APOBEC3F: variants seen among roughly 807,000 people sequenced by gnomAD.
The protein encoded by APOBEC3F is apolipoprotein B mRNA editing enzyme catalytic subunit 3F.
APOBEC3F carries 34 observed loss-of-function variants against 45.8 expected under a neutral mutation model. The ratio of observed to expected loss-of-function variants is 0.74; its 90% confidence interval spans 0.57 to 0.99. The LOEUF (loss-of-function observed/expected upper bound fraction) is 0.99, where lower values mean the gene tolerates loss of function less well. Ranked by LOEUF, APOBEC3F falls within the 50% of genes least tolerant of loss-of-function variation. The pLI is 0.00. For missense variants in APOBEC3F, 459 were observed against 474.1 expected (o/e 0.97, Z 0.30); for synonymous variants, 192 against 174.4 (o/e 1.10, Z -0.80).
Position 39,044,817 on chromosome 22 carries a change from G to A in APOBEC3F, c.172-124G>A, listed in dbSNP as rs1927118883. 4 of 899,980 alleles carry A rather than the reference G, an allele frequency of 4.4e-6. No individual in the cohort carries two copies. The South Asian group carries it at 5.3e-5, about 12-fold the overall frequency. 55.7% of individuals were successfully genotyped at this position (899,980 alleles called of 1,614,324 possible). A position where few individuals can be genotyped will look rare whatever the true frequency, so the allele number is the denominator to read the frequency against. ...ACTCAAACTAAACAGGGGGGATGGA[G>A]GAAAGGAGCTTCAATGGCAAGATCC... On this transcript the variant is annotated intron_variant, in intron 2 of 6. Coordinates refer to ENST00000308521, the MANE Select transcript of APOBEC3F (RefSeq NM_145298.6).
intron 1 of APOBEC3F, among the ~76,000 whole-genome samples, chr22:39,041,911 A>C (rs1926921392): frequency 6.6e-6 from 1 of 152,288 alleles, no homozygotes; most frequent in Admixed American, 6.5e-5. Context: ...TGGGAAAAAA[A>C]CTCAATGATC....
At chr22:39,044,398 C>T (rs554141451) in intron 2 of APOBEC3F, 20 of 1,375,576 alleles carry the variant, frequency 1.5e-5, no homozygotes, top group South Asian at 1.8e-5. Context: ...GGGACATTTA[C>T]AATAAACAGA....
intron 2 of APOBEC3F, chr22:39,044,260 A>T: frequency 6.4e-7 from 1 of 1,572,966 alleles, no homozygotes; most frequent in East Asian, 2.3e-5. Flanking sequence ...TGGTGAATGG[A>T]TGCCTGGGAG....
In APOBEC3F at chr22:39,049,482, C is replaced by T. The variant is rs369511676; in HGVS notation, c.624C>T (p.Arg208=). 2 of 1,613,978 alleles carry T rather than the reference C, an allele frequency of 1.2e-6. No individual in the cohort carries two copies. Among genetic ancestry groups the T allele is most frequent in the South Asian group, 2.2e-5 (2 of 91,080 alleles). Residue 208 remains arginine, a synonymous_variant, in exon 5 of 7, where the codon CGC becomes CGT. Coordinates refer to ENST00000308521, the MANE Select transcript of APOBEC3F (RefSeq NM_145298.6). ...HIFYFHFKNL[R]KAYGRNESWL... ...TCTACTTCCACTTTAAAAACCTACG[C>T]AAAGCCTATGGTCGGAACGAAAGCT...
At chr22:39,042,115 G>A (rs1175275721) in intron 1 of APOBEC3F, among the ~76,000 whole-genome samples, 3 of 152,172 alleles carry the variant, frequency 2.0e-5, no homozygotes, top group Non-Finnish European at 1.5e-5. Flanking sequence ...TCTGTAAGAT[G>A]GGAATGGCCC....
In APOBEC3F at chr22:39,049,593, G is replaced by T. The variant is rs1345917748; in HGVS notation, c.723+12G>T. On this transcript the variant is annotated intron_variant, in intron 5 of 6. Transcript: ENST00000308521. ...TCTTCCGAAACCAGGTAGCACCAAA[G>T]TCCTATTTACACCCCAAATAGGAGC... 1.9e-6 allele frequency: 3 copies of T among 1,613,468 alleles called. No homozygotes were observed. The highest frequency in any genetic ancestry group is 2.5e-6 in the Non-Finnish European group (3 of 1,179,768).
At chr22:39,041,065 G>A in intron 1 of APOBEC3F, 88 bp downstream of exon 1, 1 of 1,540,138 alleles carries the variant, frequency 6.5e-7, no homozygotes, top group Non-Finnish European at 8.7e-7. Flanking sequence ...GCCTCCCCCT[G>A]CCCCAGCCCC....
At chr22:39,052,492 A>G in intron 6 of APOBEC3F, 85 bp from the exon 7 acceptor site, 1 of 1,569,136 alleles carries the variant, frequency 6.4e-7, no homozygotes, top group Non-Finnish European at 8.6e-7. Flanking sequence ...ACTGGCAGTC[A>G]GGAGACCTGG....
rs1927667467 is a variant in APOBEC3F at position 39,055,743 on chromosome 22, A to G, written c.*3048A>G. Among the ~76,000 whole-genome samples, 1 of 152,168 alleles carries G rather than the reference A, an allele frequency of 6.6e-6. No homozygotes were observed. The highest frequency in any genetic ancestry group is 2.1e-4 in the South Asian group (1 of 4,826). The stretch of plus-strand genomic sequence containing the variant: ...TTTATCTAAAGATTCCAGACATTGT[A>G]TGAGGAAGCATTGTGAAACTTTCTG... On this transcript the variant is annotated 3_prime_UTR_variant, in exon 7 of 7. Coordinates refer to ENST00000308521, the MANE Select transcript of APOBEC3F (RefSeq NM_145298.6).
At chr22:39,051,814 C>T (rs1057432378) in intron 5 of APOBEC3F, among the ~76,000 whole-genome samples, 14 of 152,018 alleles carry the variant, frequency 9.2e-5, no homozygotes, top group South Asian at 6.2e-4. Context: ...ATTAGGCAGG[C>T]GTGGTGGCAC....
intron 1 of APOBEC3F, among the ~76,000 whole-genome samples, chr22:39,041,871 A>T (rs2146338704): frequency 6.6e-6 from 1 of 152,290 alleles, no homozygotes; most frequent in Non-Finnish European, 1.5e-5. Flanking sequence ...TCAAAAGAAA[A>T]AAAAACAAAA....
In APOBEC3F at chr22:39,042,113, A is replaced by C. The variant is rs531539991; in HGVS notation, c.18-824A>C. On this transcript the variant is annotated intron_variant, in intron 1 of 6. Transcript: ENST00000308521. The stretch of plus-strand genomic sequence containing the variant: ...GCGCCTCTGGCACCTCCTCTGTAAG[A>C]TGGGAATGGCCCGTGCGGGCCTAGG... Among the ~76,000 whole-genome samples the C allele has an allele frequency of 8.5e-5, 13 of 152,236 alleles. No individual in the cohort carries two copies. In the East Asian group the frequency reaches 2.3e-3, roughly 27 times the overall value.
intron 3 of APOBEC3F, 87 bp downstream of exon 3, chr22:39,045,307 C>T (rs1347307917): frequency 3.1e-6 from 5 of 1,596,288 alleles, no homozygotes; most frequent in Non-Finnish European, 4.3e-6. Context: ...TGGGGGTGTC[C>T]CAGGGCAGCC....
Position 39,053,356 on chromosome 22 carries a change from C to T in APOBEC3F, c.*661C>T, listed in dbSNP as rs1227653529. The T allele has an allele frequency of 6.6e-6, 1 of 151,834 alleles. No homozygotes were observed. The allele number at this position is 151,834 out of a possible 1,614,324, so 9.4% of individuals were successfully genotyped here. ...CCGCGGTGACTCATGCCTATAATCC[C>T]CCAGCAATTTGGGAGGCAGAGGTGA... On this transcript the variant is annotated 3_prime_UTR_variant, in exon 7 of 7. Transcript: ENST00000308521.
chr22:39,046,157 C>CT (rs1208875805), intron 4 of APOBEC3F, among the ~76,000 whole-genome samples: 1 of 152,142 alleles, frequency 6.6e-6, no homozygotes, highest in Non-Finnish European at 1.5e-5. Context: ...CTCTGTGCAC[C>CT]TGCACCCCTG....
At position 39,048,618 on chromosome 22, in the gene APOBEC3F, T is replaced by TAA. The variant is rs1021209488; in HGVS notation, c.567-806_567-805dup. Among the ~76,000 whole-genome samples the TAA allele has an allele frequency of 4.6e-5, 7 of 151,724 alleles. 1 individual carries two copies. Among genetic ancestry groups the TAA allele is most frequent in the Admixed American group, 1.3e-4 (2 of 15,230 alleles). On this transcript the variant is annotated intron_variant, in intron 4 of 6. Coordinates refer to ENST00000308521, the MANE Select transcript of APOBEC3F (RefSeq NM_145298.6). Reference sequence around the variant, plus strand: ...GTCAGGAGTTCAAGACCATCCTGGCTAACATGATGAAACCCCATCTCTACT... The same window carrying TAA: ...GTCAGGAGTTCAAGACCATCCTGGCTAAAACATGATGAAACCCCATCTCTACT...
intron 1 of APOBEC3F, 114 bp from the exon 2 acceptor site, chr22:39,042,823 T>G: frequency 2.0e-6 from 3 of 1,477,192 alleles, no homozygotes; most frequent in Non-Finnish European, 2.7e-6. Context: ...CTCAGGGCTG[T>G]GGAGGGGTTG....
intron 1 of APOBEC3F, 109 bp from the exon 2 acceptor site, chr22:39,042,828 G>T: frequency 6.7e-7 from 1 of 1,495,604 alleles, no homozygotes; most frequent in Non-Finnish European, 9.0e-7. Flanking sequence ...GGCTGTGGAG[G>T]GGTTGGGGAG....
Position 39,053,003 on chromosome 22 carries a change from T to TGAGA in APOBEC3F, c.*308_*309insGAGA. 1 of 276,724 alleles carries TGAGA rather than the reference T, an allele frequency of 3.6e-6. No individual in the cohort carries two copies. The highest frequency in any genetic ancestry group is 6.1e-6 in the Non-Finnish European group (1 of 163,824). The allele number at this position is 276,724 out of a possible 1,614,324, so 17.1% of individuals were successfully genotyped here. On this transcript the variant is annotated 3_prime_UTR_variant, in exon 7 of 7. Coordinates refer to ENST00000308521, the MANE Select transcript of APOBEC3F (RefSeq NM_145298.6). ...ATAACCTAATATTTTTTTTTTTTTT[T>TGAGA]TGAGACGGAATTTCGCTCTGTCACC...
Sources: gnomAD v4.1 joint callset for allele counts (sites outside exome capture counted in the v4.1 genomes callset) on GRCh38, gnomAD v4.1.1 for gene constraint, MANE v1.5 for transcripts, NCBI Gene and HGNC (gene_info 2026-07-23, HGNC 2026-07-21) for gene names.